LMTK3: variants seen among roughly 807,000 people sequenced by gnomAD.
LMTK3 encodes the protein lemur tail kinase 3.
In LMTK3, 27 loss-of-function variants were observed where a neutral mutation model predicts 116.7. The observed-to-expected ratio is 0.23, with a 90% CI of 0.17 to 0.32. The LOEUF is 0.32. LMTK3 is among the 10% of genes least tolerant of loss of function. The pLI is 1.00. For missense variants in LMTK3, 1,764 were observed against 2,068.5 expected (o/e 0.85, Z 2.86); for synonymous variants, 965 against 971.0 (o/e 0.99, Z 0.11).
intron 12 of LMTK3, among the ~76,000 whole-genome samples, chr19:48,492,444 C>G (rs1332865979): frequency 6.6e-6 from 1 of 152,186 alleles, no homozygotes; most frequent in African/African-American, 2.4e-5. Context: ...GCCTCGGCCT[C>G]CCAAAGTGCT....
At position 48,491,319 on chromosome 19, in the gene LMTK3, C is replaced by T. The variant is rs930432277; in HGVS notation, c.4229-74G>A. The T allele has an allele frequency of 2.8e-5, 38 of 1,340,512 alleles. No homozygotes were observed. The South Asian group carries it at 6.1e-4, about 22-fold the overall frequency. The allele number at this position is 1,340,512 out of a possible 1,614,324, so 83.0% of individuals were successfully genotyped here. The stretch of plus-strand genomic sequence containing the variant: ...TCCCGCCCTCTGGTCCCGCCCCTCC[C>T]GACCAAGCCCCTCCCACCCCATAGA... On this transcript the variant is annotated intron_variant, in intron 13 of 14. Coordinates refer to ENST00000600059, the MANE Select transcript of LMTK3 (RefSeq NM_001388485.1). This position sits in a 1 kb window ranked among gnomAD's most constrained non-coding sequence, Gnocchi z 5.1.
Position 48,498,350 on chromosome 19 carries a change from G to A in LMTK3, c.2719C>T (p.Pro907Ser). The change falls in exon 11 of 15, where the codon CCG becomes TCG. Residue 907 changes from proline to serine, a missense_variant. By Grantham distance (74) the Pro-to-Ser change is moderately conservative. Around this residue, in one of 7 missense-constraint regions of LMTK3, gnomAD observed 1,028 missense variants for 1,050.6 expected, o/e 0.98. Coordinates refer to ENST00000600059, the MANE Select transcript of LMTK3 (RefSeq NM_001388485.1). ...REKVPGLNRD[P>S]TVLGNGKQAP... The stretch of plus-strand genomic sequence containing the variant: ...TGTTTCCCGTTGCCCAGGACTGTCG[G>A]GTCCCTGTTCAGGCCCGGGACTTTC... The A allele has an allele frequency of 6.2e-7, 1 of 1,613,040 alleles. No individual in the cohort carries two copies.
chr19:48,499,009 TC>T lies in LMTK3; in HGVS notation c.2059del (p.Asp687ThrfsTer3), dbSNP rs1302682159. On this transcript the variant is annotated frameshift_variant, in exon 11 of 15. Transcript: ENST00000600059. LOFTEE classifies it high-confidence loss of function. ...ACSCLPLERG[D>X]AVAGWGGHPA... Reference sequence around the variant, plus strand: ...GTGGCCTCCCCAGCCTGCTACGGCGTCCCCCCGCTCCAGTGGCAGGCAGGAG... The same window carrying T: ...GTGGCCTCCCCAGCCTGCTACGGCGTCCCCCGCTCCAGTGGCAGGCAGGAG... 4 of 1,416,260 alleles carry T rather than the reference TC, an allele frequency of 2.8e-6. No homozygotes were observed. The highest frequency in any genetic ancestry group is 1.5e-5 in the South Asian group (1 of 67,482). The allele number at this position is 1,416,260 out of a possible 1,614,324, so 87.7% of individuals were successfully genotyped here.
At chr19:48,505,486 A>C (rs1466437321) in intron 5 of LMTK3, among the ~76,000 whole-genome samples, 1 of 152,122 alleles carries the variant, frequency 6.6e-6, no homozygotes, top group East Asian at 1.9e-4. Context: ...GCACTCTGGG[A>C]GGCCGAGGCA....
At position 48,504,067 on chromosome 19, in the gene LMTK3, C is replaced by T. The variant is rs930557035; in HGVS notation, c.558-1071G>A. ...ATTTTTAGTAGAGACAGGGTTTCAC[C>T]ATGTTGGCCAGGCTGGTCTCAAACT... On this transcript the variant is annotated intron_variant, in intron 5 of 14. Transcript: ENST00000600059. Among the ~76,000 whole-genome samples the T allele has an allele frequency of 2.6e-5, 4 of 152,224 alleles. 1 individual carries two copies. In the South Asian group the frequency reaches 8.3e-4, roughly 31 times the overall value.
chr19:48,486,537 G>C (rs2147525146), intron 14 of LMTK3, among the ~76,000 whole-genome samples: 1 of 149,914 alleles, frequency 6.7e-6, no homozygotes, highest in African/African-American at 2.5e-5. Context: ...TTTTGTTGTT[G>C]TTGTTGCTGC....
At chr19:48,492,701 C>A (rs1972246908) in intron 12 of LMTK3, among the ~76,000 whole-genome samples, 1 of 152,084 alleles carries the variant, frequency 6.6e-6, no homozygotes, top group African/African-American at 2.4e-5. Flanking sequence ...CAAACCATGC[C>A]CAAACTCTCA....
At position 48,499,373 on chromosome 19, in the gene LMTK3, C is replaced by G. The variant is rs576579711; in HGVS notation, c.1696G>C (p.Ala566Pro). The change falls in exon 11 of 15, where the codon GCC (alanine) becomes CCC (proline). Residue 566 changes from alanine (A) to proline (P), a missense_variant. By Grantham distance (27) the Ala-to-Pro change is conservative. Around this residue, in one of 7 missense-constraint regions of LMTK3, gnomAD observed 1,028 missense variants for 1,050.6 expected, o/e 0.98. Coordinates refer to ENST00000600059, the MANE Select transcript of LMTK3 (RefSeq NM_001388485.1). ...DWDPLDPGVP[A>P]PQAPQAPSEV... The stretch of plus-strand genomic sequence containing the variant: ...GAGGGGGCCTGGGGGGCCTGAGGGG[C>G]GGGCACTCCTGGGTCCAGGGGGTCC... 6.0e-5 allele frequency: 85 copies of G among 1,418,298 alleles called. No homozygotes were observed. The African/African-American group carries it at 9.7e-4, about 16-fold the overall frequency. The allele number at this position is 1,418,298 out of a possible 1,614,324, so 87.9% of individuals were successfully genotyped here.
At position 48,510,072 on chromosome 19, in the gene LMTK3, C is replaced by T. The variant is rs763592256; in HGVS notation, c.312G>A (p.Pro104=). 2 of 1,613,870 alleles carry T rather than the reference C, an allele frequency of 1.2e-6. No individual in the cohort carries two copies. Among genetic ancestry groups the T allele is most frequent in the East Asian group, 2.2e-5 (1 of 44,880 alleles). Residue 104 remains proline, a synonymous_variant, in exon 3 of 15, where the codon CCG becomes CCA. Coordinates refer to ENST00000600059, the MANE Select transcript of LMTK3 (RefSeq NM_001388485.1). ...SQSLPDVYIL[P]LAEVSLPMPA... Reference sequence around the variant, plus strand: ...GCATTGGCAGGGAGACCTCAGCCAGCGGGAGAATGTAGACATCAGGCAGCG... The same window carrying T: ...GCATTGGCAGGGAGACCTCAGCCAGTGGGAGAATGTAGACATCAGGCAGCG...
chr19:48,491,567 G>A lies in LMTK3; in HGVS notation c.4093-28C>T, dbSNP rs763584491. On this transcript the variant is annotated intron_variant, in intron 12 of 14. Transcript: ENST00000600059. The surrounding 1 kb of genome is among the most constrained non-coding windows in gnomAD (Gnocchi z 5.1). Reference sequence around the variant, plus strand: ...GTGAAGGCAGATTAGGGGGAAGCCAGAGGGGACAAACCTTCACGTCCCATT... The same window carrying A: ...GTGAAGGCAGATTAGGGGGAAGCCAAAGGGGACAAACCTTCACGTCCCATT... 3.0e-6 allele frequency: 4 copies of A among 1,338,050 alleles called. No homozygotes were observed. In the East Asian group the frequency reaches 8.6e-5, roughly 29 times the overall value. 82.9% of individuals were successfully genotyped at this position (1,338,050 alleles called of 1,614,324 possible).
chr19:48,503,042 C>G, intron 5 of LMTK3, 46 bp from the exon 6 acceptor site: 7 of 1,165,534 alleles, frequency 6.0e-6, no homozygotes, highest in Non-Finnish European at 8.9e-6. Flanking sequence ...GCCCCTTCCT[C>G]TTCATCCTGC....
At position 48,498,765 on chromosome 19, in the gene LMTK3, C is replaced by T. The variant is rs1196061440; in HGVS notation, c.2304G>A (p.Ala768=). 4.7e-6 allele frequency: 6 copies of T among 1,287,836 alleles called. No individual in the cohort carries two copies. Among genetic ancestry groups the T allele is most frequent in the East Asian group, 3.5e-5 (1 of 28,420 alleles). 79.8% of individuals were successfully genotyped at this position (1,287,836 alleles called of 1,614,324 possible). ...PPPRAPADPA[A]SPDPPSAVAS... The stretch of plus-strand genomic sequence containing the variant: ...CCACGGCCGAAGGGGGGTCGGGGGA[C>T]GCGGCCGGGTCCGCGGGGGCCCGAG... Residue 768 remains alanine, a synonymous_variant, in exon 11 of 15, where the codon GCG becomes GCA. Coordinates refer to ENST00000600059, the MANE Select transcript of LMTK3 (RefSeq NM_001388485.1).
Position 48,491,352 on chromosome 19 carries a change from C to G in LMTK3, c.4228+52G>C. ...CCCCTCCCACCCCATAGACCCCGCC[C>G]CGTCCGCCCCATGGCTCCCGCCCCC... On this transcript the variant is annotated intron_variant, in intron 13 of 14. Coordinates refer to ENST00000600059, the MANE Select transcript of LMTK3 (RefSeq NM_001388485.1). The surrounding 1 kb of genome is among the most constrained non-coding windows in gnomAD (Gnocchi z 5.1). 3 of 1,351,158 alleles carry G rather than the reference C, an allele frequency of 2.2e-6. No individual in the cohort carries two copies. The highest frequency in any genetic ancestry group is 3.5e-5 in the South Asian group (2 of 56,466). The allele number at this position is 1,351,158 out of a possible 1,614,324, so 83.7% of individuals were successfully genotyped here.
chr19:48,490,068 G>A (rs1260215651), intron 14 of LMTK3, among the ~76,000 whole-genome samples: 7 of 152,210 alleles, frequency 4.6e-5, no homozygotes, highest in Non-Finnish European at 1.0e-4. Flanking sequence ...CTCTCCCAAG[G>A]TGGCCACGAG....
At chr19:48,503,580 C>G (rs1972510565) in intron 5 of LMTK3, among the ~76,000 whole-genome samples, 1 of 152,118 alleles carries the variant, frequency 6.6e-6, no homozygotes, top group Admixed American at 6.5e-5. Context: ...CTCCTCCCAG[C>G]CTCCCTGGCT....
Position 48,497,253 on chromosome 19 carries a change from A to G in LMTK3, c.3676+140T>C. 1 of 936,018 alleles carries G rather than the reference A, an allele frequency of 1.1e-6. No homozygotes were observed. The highest frequency in any genetic ancestry group is 1.4e-6 in the Non-Finnish European group (1 of 699,416). 58.0% of individuals were successfully genotyped at this position (936,018 alleles called of 1,614,324 possible). On this transcript the variant is annotated intron_variant, in intron 11 of 14. Coordinates refer to ENST00000600059, the MANE Select transcript of LMTK3 (RefSeq NM_001388485.1). This position sits in a 1 kb window ranked among gnomAD's most constrained non-coding sequence, Gnocchi z 5.7. ...GAGCTAGAGAGGGGGCTGAGCCACG[A>G]TGTGAGCCCAGGTGGTGCAGGCTTC...
At chr19:48,489,908 G>T (rs1364641833) in intron 14 of LMTK3, among the ~76,000 whole-genome samples, 1 of 152,208 alleles carries the variant, frequency 6.6e-6, no homozygotes, top group Non-Finnish European at 1.5e-5. Flanking sequence ...CACAAGCCCT[G>T]GGTCCTGGGG....
Position 48,498,090 on chromosome 19 carries a change from G to T in LMTK3, c.2979C>A (p.Gly993=), listed in dbSNP as rs759608746. The change falls in exon 11 of 15, where the codon GGC becomes GGA. Residue 993 remains glycine, a synonymous_variant. Coordinates refer to ENST00000600059, the MANE Select transcript of LMTK3 (RefSeq NM_001388485.1). ...EAGEKVLVNG[G]LTPPKSEDKV... ...TGTCCTCGCTCTTTGGGGGTGTCAG[G>T]CCCCCATTCACCAGCACCTTCTCCC... is the stretch of plus-strand genomic sequence containing the variant. 3.7e-6 allele frequency: 6 copies of T among 1,612,864 alleles called. No individual in the cohort carries two copies. The highest frequency in any genetic ancestry group is 5.1e-6 in the Non-Finnish European group (6 of 1,179,736).
rs1972354569 is a variant in LMTK3, at chr19:48,497,625, T to TGGCGGCGGTGGCTGCGGC, written c.3426_3443dup (p.Gln1144_Pro1149dup). 2 of 1,269,944 alleles carry TGGCGGCGGTGGCTGCGGC rather than the reference T, an allele frequency of 1.6e-6. No homozygotes were observed. The highest frequency in any genetic ancestry group is 1.0e-6 in the Non-Finnish European group (1 of 998,804). 78.7% of individuals were successfully genotyped at this position (1,269,944 alleles called of 1,614,324 possible). On this transcript the variant is annotated inframe_insertion, in exon 11 of 15. Coordinates refer to ENST00000600059, the MANE Select transcript of LMTK3 (RefSeq NM_001388485.1). This position sits in a 1 kb window ranked among gnomAD's most constrained non-coding sequence, Gnocchi z 5.7. ...GTGCCTCCGGTGGCGGTGGCAGCGG[T>TGGCGGCGGTGGCTGCGGC]GGCGGCGGTGGCTGCGGCCTCGTGT...
Sources: allele counts gnomAD v4.1 joint callset (sites outside exome capture counted in the v4.1 genomes callset), GRCh38; gene constraint gnomAD v4.1.1; regional missense constraint gnomAD v4.1.1; non-coding constraint Gnocchi (gnomAD v3.1); transcripts MANE v1.5; gene names NCBI Gene and HGNC (gene_info 2026-07-23, HGNC 2026-07-21).